MBD2: variants seen among roughly 807,000 people sequenced by gnomAD.
MBD2 encodes the protein methyl-CpG-binding domain protein 2.
Under a neutral mutation model 39.3 loss-of-function variants are expected in MBD2, and 9 were observed. The observed-to-expected ratio is 0.23, with a 90% CI of 0.14 to 0.40. The LOEUF (loss-of-function observed/expected upper bound fraction) is 0.40. Among genes scored for constraint, MBD2 ranks in the 10% least tolerant of loss-of-function variants. MBD2 has a pLI of 1.00. For missense variants in MBD2, 458 were observed against 532.6 expected, an observed-to-expected ratio of 0.86 and a Z score of 1.38; for synonymous variants, 233 against 211.1, an observed-to-expected ratio of 1.10 and a Z score of -0.90.
At chr18:54,174,270 C>G (rs1431604980) in intron 3 of MBD2, among the ~76,000 whole-genome samples, 1 of 152,140 alleles carries the variant, frequency 6.6e-6, no homozygotes, top group Non-Finnish European at 1.5e-5. Context: ...ATGGAGGAAG[C>G]AAAATCATGT....
Position 54,224,543 on chromosome 18 carries a change from C to G in MBD2, c.17G>C (p.Gly6Ala), listed in dbSNP as rs755053852. MRAHPGGGRCCPEQEE... is the reference protein window; with the variant it reads MRAHPAGGRCCPEQEE... The stretch of plus-strand genomic sequence containing the variant: ...CTGCTCCGGGCAGCAGCGGCCTCCC[C>G]CCGGGTGCGCGCGCATCCAGCCCCC... The change falls in exon 1 of 7, where the codon GGG becomes GCG. Residue 6 changes from glycine to alanine, a missense_variant. By Grantham distance (60) the Gly-to-Ala change is moderately conservative. Around this residue, in one of 2 missense-constraint regions of MBD2, gnomAD observed 269 missense variants for 236.0 expected, o/e 1.14. Coordinates refer to ENST00000256429, the MANE Select transcript of MBD2 (RefSeq NM_003927.5). The G allele has an allele frequency of 8.1e-7, 1 of 1,230,214 alleles. No homozygotes were observed. The highest frequency in any genetic ancestry group is 3.2e-5 in the East Asian group (1 of 31,568). 76.2% of individuals were successfully genotyped at this position (1,230,214 alleles called of 1,614,324 possible).
At chr18:54,219,250 T>C (rs560421614) in intron 1 of MBD2, among the ~76,000 whole-genome samples, 5 of 152,322 alleles carry the variant, frequency 3.3e-5, no homozygotes, top group Non-Finnish European at 5.9e-5. Context: ...TGATGAAAAT[T>C]AGAAACTACA....
intron 1 of MBD2, among the ~76,000 whole-genome samples, chr18:54,223,652 G>A (rs1358777787): frequency 6.6e-6 from 1 of 152,228 alleles, no homozygotes; most frequent in Non-Finnish European, 1.5e-5. Context: ...CACTTGTGAT[G>A]ATGAATCTGG....
chr18:54,180,464 C>G (rs994683320), intron 3 of MBD2, among the ~76,000 whole-genome samples: 2 of 151,980 alleles, frequency 1.3e-5, no homozygotes, highest in Non-Finnish European at 2.9e-5. Flanking sequence ...ATAACGTAAA[C>G]CCTGACTATT....
At chr18:54,189,822 A>G (rs2086308542) in intron 2 of MBD2, among the ~76,000 whole-genome samples, 1 of 151,130 alleles carries the variant, frequency 6.6e-6, no homozygotes, top group Non-Finnish European at 1.5e-5. Flanking sequence ...AAGTTTTTGT[A>G]TTTTTTTTGT....
At chr18:54,192,802 CACTT>C (rs2086331038) in intron 2 of MBD2, among the ~76,000 whole-genome samples, 1 of 141,580 alleles carries the variant, frequency 7.1e-6, no homozygotes, top group Admixed American at 7.2e-5. Flanking sequence ...TTCTTCCATT[CACTT>C]ATGTTTCTGT....
At chr18:54,187,979 A>T (rs1302768938) in intron 3 of MBD2, 4 of 334,040 alleles carry the variant, frequency 1.2e-5, no homozygotes, top group African/African-American at 2.2e-5. Flanking sequence ...GAAAAACAAA[A>T]TTCAAATGAA....
chr18:54,167,653 A>G (rs2086144190), intron 3 of MBD2, among the ~76,000 whole-genome samples: 1 of 152,232 alleles, frequency 6.6e-6, no homozygotes, highest in South Asian at 2.1e-4. Context: ...TTATGTCAGA[A>G]GAGCAATATG....
At chr18:54,184,487 T>C (rs1036091095) in intron 3 of MBD2, among the ~76,000 whole-genome samples, 6 of 152,086 alleles carry the variant, frequency 3.9e-5, no homozygotes, top group African/African-American at 1.4e-4. Flanking sequence ...GCCAAAAAGG[T>C]TGGGGACTGC....
intron 3 of MBD2, among the ~76,000 whole-genome samples, chr18:54,166,429 T>G (rs1257866890): frequency 6.6e-6 from 1 of 152,236 alleles, no homozygotes; most frequent in Non-Finnish European, 1.5e-5. Flanking sequence ...TGCTGTATAC[T>G]ATGTATAGTT....
chr18:54,155,916 TTTAC>T (rs1426476732), intron 6 of MBD2, among the ~76,000 whole-genome samples: 1 of 152,198 alleles, frequency 6.6e-6, no homozygotes, highest in Non-Finnish European at 1.5e-5. Flanking sequence ...CTTCTTAAAT[TTTAC>T]TTAAGTAAAA....
intron 5 of MBD2, among the ~76,000 whole-genome samples, chr18:54,162,239 T>C (rs1145314): frequency 0.049 from 7,460 of 152,282 alleles, 589 homozygotes; most frequent in African/African-American, 0.17. Context: ...AGCTGCAAAG[T>C]TTGTGAGAAT....
At chr18:54,216,319 G>A (rs943318529) in intron 1 of MBD2, among the ~76,000 whole-genome samples, 2 of 152,190 alleles carry the variant, frequency 1.3e-5, no homozygotes, top group African/African-American at 2.4e-5. Context: ...GCTGGTAACT[G>A]CAGCCCCTAT....
intron 5 of MBD2, among the ~76,000 whole-genome samples, chr18:54,163,402 G>A (rs1890343841): frequency 2.6e-5 from 4 of 152,130 alleles, no homozygotes; most frequent in Admixed American, 2.6e-4. Context: ...CAGAAATAGT[G>A]AAGTATACAC....
At position 54,224,121 on chromosome 18, in the gene MBD2, C is replaced by G; in HGVS notation, c.439G>C (p.Gly147Arg). 1 of 1,565,646 alleles carries G rather than the reference C, an allele frequency of 6.4e-7. No individual in the cohort carries two copies. The highest frequency in any genetic ancestry group is 8.6e-7 in the Non-Finnish European group (1 of 1,161,410). Residue 147 changes from glycine (G) to arginine (R), a missense_variant, in exon 1 of 7, where the codon GGG (glycine) becomes CGG (arginine). Around this residue, in one of 2 missense-constraint regions of MBD2, gnomAD observed 269 missense variants for 236.0 expected, o/e 1.14. Coordinates refer to ENST00000256429, the MANE Select transcript of MBD2 (RefSeq NM_003927.5). ...AGGGCCGGGCAATCCATCCTCTTCC[C>G]GCTCTCCGTGGCCCGGGGTCCCCTG... is the stretch of plus-strand genomic sequence containing the variant. ...GPRGPRATES[G>R]KRMDCPALPP...
intron 1 of MBD2, 22 bp downstream of exon 1, chr18:54,223,996 C>A: frequency 6.3e-7 from 1 of 1,576,544 alleles, no homozygotes; most frequent in Non-Finnish European, 8.7e-7. Context: ...CCGCCACCCC[C>A]TCCCCGCCCC....
In MBD2 at chr18:54,151,808, T is replaced by C. The variant is rs1292741589; in HGVS notation, c.*3516A>G. The C allele has an allele frequency of 1.4e-5, 2 of 144,240 alleles. No homozygotes were observed. The highest frequency in any genetic ancestry group is 2.2e-4 in the South Asian group (1 of 4,498). The allele number at this position is 144,240 out of a possible 1,614,324, so 8.9% of individuals were successfully genotyped here. ...TATATTCAAAGAGATTGTATAACAC[T>C]CTCTAGATCTCCTCTTTAGACCAAA... is the stretch of plus-strand genomic sequence containing the variant. On this transcript the variant is annotated 3_prime_UTR_variant, in exon 7 of 7. Transcript: ENST00000256429.
intron 2 of MBD2, among the ~76,000 whole-genome samples, chr18:54,203,572 CA>C (rs2086425118): frequency 6.6e-6 from 1 of 152,218 alleles, no homozygotes; most frequent in Admixed American, 6.5e-5. Context: ...AAGGACCTGC[CA>C]ATGTCCCTAT....
At chr18:54,181,492 C>T (rs1043263009) in intron 3 of MBD2, among the ~76,000 whole-genome samples, 1 of 151,958 alleles carries the variant, frequency 6.6e-6, no homozygotes, top group Non-Finnish European at 1.5e-5. Context: ...TAAATTTTGT[C>T]AATTATTTAT....
Sources: allele counts gnomAD v4.1 joint callset (sites outside exome capture counted in the v4.1 genomes callset), GRCh38; gene constraint gnomAD v4.1.1; regional missense constraint gnomAD v4.1.1; transcripts MANE v1.5; gene names NCBI Gene and HGNC (gene_info 2026-07-23, HGNC 2026-07-21).